The following LAMA2 variants were observed in gnomAD, a reference collection of about 807,000 sequenced individuals.
LAMA2 encodes the protein laminin subunit alpha-2.
A neutral mutation model predicts 364.8 loss-of-function variants in LAMA2; 269 were observed. The ratio of observed to expected loss-of-function variants is 0.74; its 90% confidence interval spans 0.67 to 0.82. The LOEUF is 0.82. Ranked by LOEUF, LAMA2 falls within the 40% of genes least tolerant of loss-of-function variation. LAMA2 has a pLI of 0.00. For synonymous variants in LAMA2, 1,379 were observed against 1,370.6 expected (o/e 1.01, Z -0.14); for missense variants, 3,807 against 3,873.2 (o/e 0.98, Z 0.45).
chr6:128,929,164 G>A, intron 1 of LAMA2: 1 of 1,449,610 alleles, frequency 6.9e-7, no homozygotes, highest in Non-Finnish European at 9.7e-7. Context: ...ATGGCCGGTA[G>A]ATAAAATGAA....
At chr6:128,940,823 C>T (rs777460607) in intron 1 of LAMA2, among the ~76,000 whole-genome samples, 27 of 152,106 alleles carry the variant, frequency 1.8e-4, no homozygotes, top group Non-Finnish European at 3.1e-4. Flanking sequence ...TGGTAGTACA[C>T]ACCTGTAGTC....
intron 7 of LAMA2, among the ~76,000 whole-genome samples, chr6:129,150,018 T>C (rs1007726145): frequency 5.9e-5 from 9 of 152,156 alleles, no homozygotes; most frequent in African/African-American, 2.2e-4. Flanking sequence ...CTGTATTTTC[T>C]TTTTAGTTTG....
intron 61 of LAMA2, among the ~76,000 whole-genome samples, chr6:129,505,696 G>A (rs1786006948): frequency 6.6e-6 from 1 of 151,858 alleles, no homozygotes; most frequent in South Asian, 2.1e-4. Flanking sequence ...TTTTAATAGA[G>A]ACGGGGTGTA....
intron 8 of LAMA2, among the ~76,000 whole-genome samples, chr6:129,164,277 G>C (rs146514401): frequency 7.5e-4 from 114 of 152,292 alleles, no homozygotes; most frequent in African/African-American, 2.6e-3. Context: ...TGGTGCGACA[G>C]AGCAAGATGG....
intron 28 of LAMA2, among the ~76,000 whole-genome samples, chr6:129,325,763 C>T (rs1423669572): frequency 3.9e-5 from 6 of 152,116 alleles, no homozygotes; most frequent in Non-Finnish European, 7.4e-5. Flanking sequence ...CCATATCTCT[C>T]AGACAAAACT....
chr6:128,898,432 A>G (rs986011573), intron 1 of LAMA2, among the ~76,000 whole-genome samples: 3 of 152,196 alleles, frequency 2.0e-5, no homozygotes, highest in African/African-American at 7.2e-5. Context: ...CCCTTGAATC[A>G]AATTTGACAT....
chr6:129,121,774 AAGC>A (rs1333880859), intron 4 of LAMA2, among the ~76,000 whole-genome samples: 1 of 152,194 alleles, frequency 6.6e-6, no homozygotes, highest in African/African-American at 2.4e-5. Flanking sequence ...CATTATTACA[AAGC>A]AGTAGTAAAT....
At chr6:129,367,636 A>G (rs1445011102) in intron 33 of LAMA2, among the ~76,000 whole-genome samples, 4 of 152,232 alleles carry the variant, frequency 2.6e-5, no homozygotes, top group African/African-American at 9.6e-5. Context: ...ATATTCTTTT[A>G]GGAAATATAT....
chr6:129,127,764 A>G (rs373760524), intron 4 of LAMA2, among the ~76,000 whole-genome samples: 1 of 152,060 alleles, frequency 6.6e-6, no homozygotes, highest in East Asian at 1.9e-4. Context: ...TTCCCTAATG[A>G]TTAGTGATTT....
intron 41 of LAMA2, among the ~76,000 whole-genome samples, chr6:129,428,457 A>G (rs1340243815): frequency 6.6e-6 from 1 of 152,132 alleles, no homozygotes; most frequent in Non-Finnish European, 1.5e-5. Context: ...AAAATTAAAT[A>G]CATTTTTCTT....
chr6:128,995,585 A>G (rs2114669307), intron 1 of LAMA2, among the ~76,000 whole-genome samples: 1 of 152,216 alleles, frequency 6.6e-6, no homozygotes, highest in Admixed American at 6.5e-5. Context: ...TGGCCTTCCA[A>G]AGTGCTGGGA....
intron 12 of LAMA2, among the ~76,000 whole-genome samples, chr6:129,209,756 C>T (rs925987677): frequency 6.6e-6 from 1 of 152,080 alleles, no homozygotes; most frequent in Non-Finnish European, 1.5e-5. Flanking sequence ...GTAATCCCAG[C>T]ACTTTGGGAG....
intron 30 of LAMA2, 114 bp from the exon 31 acceptor site, chr6:129,349,184 G>T (rs1227974243): frequency 1.3e-6 from 1 of 756,684 alleles, no homozygotes; most frequent in Non-Finnish European, 2.3e-6. Context: ...TTATAAAGAT[G>T]GCATTTATTA....
chr6:129,200,418 A>G (rs1782193809), intron 12 of LAMA2, among the ~76,000 whole-genome samples: 1 of 148,476 alleles, frequency 6.7e-6, no homozygotes, highest in Admixed American at 6.7e-5. Context: ...ATATACATAT[A>G]CGTGTATATG....
chr6:129,103,185 A>G (rs1366209306), intron 4 of LAMA2, among the ~76,000 whole-genome samples: 1 of 152,192 alleles, frequency 6.6e-6, no homozygotes. Context: ...GGCTTTAAAC[A>G]TATGTTTTTG....
intron 1 of LAMA2, among the ~76,000 whole-genome samples, chr6:128,962,048 C>T (rs1253072443): frequency 6.8e-6 from 1 of 146,172 alleles, no homozygotes; most frequent in Admixed American, 6.8e-5. Flanking sequence ...CCAGCTTCCT[C>T]TGCTCTGGGC....
chr6:129,515,240 T>A (rs1786954981), intron 64 of LAMA2, among the ~76,000 whole-genome samples: 1 of 152,224 alleles, frequency 6.6e-6, no homozygotes, highest in South Asian at 2.1e-4. Flanking sequence ...TCTTTCATCA[T>A]TTTGTCAAGA....
At chr6:129,345,207 G>C (rs1361137325) in intron 30 of LAMA2, among the ~76,000 whole-genome samples, 5 of 152,134 alleles carry the variant, frequency 3.3e-5, no homozygotes, top group African/African-American at 1.2e-4. Flanking sequence ...TCAAGGGGAG[G>C]AATAGTTGGT....
At chr6:129,048,530 TTCCTTCCTTC>T (rs1562187944) in intron 1 of LAMA2, among the ~76,000 whole-genome samples, 53 of 49,726 alleles carry the variant, frequency 1.1e-3, no homozygotes, top group Non-Finnish European at 1.7e-3. Context: ...CCTTCCTTCC[TTCCTTCCTTC>T]CTTTCTTTCT....
Sources: gnomAD v4.1 joint callset for allele counts (sites outside exome capture counted in the v4.1 genomes callset) on GRCh38, gnomAD v4.1.1 for gene constraint, MANE v1.5 for transcripts, NCBI Gene and HGNC (gene_info 2026-07-23, HGNC 2026-07-21) for gene names.